The following ARHGAP44 variants were observed in gnomAD, a reference collection of about 807,000 sequenced individuals.
ARHGAP44 encodes the protein rho GTPase-activating protein 44.
Under a neutral mutation model 106.8 loss-of-function variants are expected in ARHGAP44, and 43 were observed. The observed-to-expected ratio is 0.40, with a 90% CI of 0.32 to 0.52. The LOEUF (loss-of-function observed/expected upper bound fraction) is 0.52, where lower values mean the gene tolerates loss of function less well. Ranked by LOEUF, ARHGAP44 falls within the 20% of genes least tolerant of loss-of-function variation. The pLI is 0.48. For missense variants in ARHGAP44, 866 were observed against 1,050.5 expected, an observed-to-expected ratio of 0.82 and a Z score of 2.43; for synonymous variants, 439 against 410.3, an observed-to-expected ratio of 1.07 and a Z score of -0.85.
chr17:12,797,874 A>G (rs573401938), intron 1 of ARHGAP44, among the ~76,000 whole-genome samples: 1 of 152,304 alleles, frequency 6.6e-6, no homozygotes, highest in South Asian at 2.1e-4. Flanking sequence ...TTATAATCCT[A>G]TAAAGTAGTT....
intron 6 of ARHGAP44, among the ~76,000 whole-genome samples, chr17:12,921,481 G>C (rs930340405): frequency 1.3e-5 from 2 of 152,070 alleles, no homozygotes; most frequent in African/African-American, 4.8e-5. Flanking sequence ...CAAGTAGCTG[G>C]GACTACAGGC....
intron 6 of ARHGAP44, among the ~76,000 whole-genome samples, chr17:12,928,127 G>T (rs1040211535): frequency 1.2e-4 from 19 of 152,120 alleles, no homozygotes; most frequent in African/African-American, 4.6e-4. Context: ...AGTTTTCTGA[G>T]TGACTTCGTT....
intron 6 of ARHGAP44, among the ~76,000 whole-genome samples, chr17:12,920,699 C>T (rs61423167): frequency 1.3e-5 from 2 of 152,152 alleles, no homozygotes; most frequent in African/African-American, 4.8e-5. Flanking sequence ...CAGGAAATTT[C>T]GCATTTTGGA....
intron 4 of ARHGAP44, among the ~76,000 whole-genome samples, chr17:12,914,727 C>G (rs924429003): frequency 6.8e-6 from 1 of 147,052 alleles, no homozygotes; most frequent in Non-Finnish European, 1.5e-5. Context: ...ACCCAGGAGG[C>G]GGAGGTTGCA....
intron 1 of ARHGAP44, among the ~76,000 whole-genome samples, chr17:12,847,458 C>T (rs777900802): frequency 6.6e-6 from 1 of 150,662 alleles, no homozygotes; most frequent in Non-Finnish European, 1.5e-5. Context: ...TTCTTACCTC[C>T]GTAACTTCGT....
intron 1 of ARHGAP44, among the ~76,000 whole-genome samples, chr17:12,828,742 T>C (rs1431287033): frequency 1.3e-5 from 2 of 149,628 alleles, no homozygotes; most frequent in Admixed American, 6.7e-5. Context: ...CCCGGGTTCA[T>C]GCCATTCTCC....
chr17:12,841,604 A>T (rs370926298), intron 1 of ARHGAP44, among the ~76,000 whole-genome samples: 6,814 of 105,774 alleles, frequency 0.064, 248 homozygotes, highest in African/African-American at 0.2. Flanking sequence ...TCACACACAC[A>T]CACACACACA....
intron 7 of ARHGAP44, among the ~76,000 whole-genome samples, chr17:12,939,181 T>C (rs2038636935): frequency 6.6e-6 from 1 of 152,140 alleles, no homozygotes; most frequent in Non-Finnish European, 1.5e-5. Context: ...TCAGGTGAAA[T>C]GGAGCTGAGG....
At chr17:12,934,353 G>C (rs2038485610) in intron 7 of ARHGAP44, among the ~76,000 whole-genome samples, 2 of 152,154 alleles carry the variant, frequency 1.3e-5, no homozygotes, top group Admixed American at 6.5e-5. Flanking sequence ...CCCACAATCT[G>C]AAGAGCACAT....
intron 3 of ARHGAP44, among the ~76,000 whole-genome samples, chr17:12,907,111 G>T (rs2037574601): frequency 6.6e-6 from 1 of 152,122 alleles, no homozygotes; most frequent in African/African-American, 2.4e-5. Context: ...CGCTCTATGT[G>T]TTAACACCAG....
intron 18 of ARHGAP44, 69 bp from the exon 19 acceptor site, chr17:12,979,989 T>C (rs2039789917): frequency 6.8e-7 from 1 of 1,479,004 alleles, no homozygotes; most frequent in Non-Finnish European, 9.1e-7. Context: ...AGGGTGGCCA[T>C]CGGCAAGGCT....
chr17:12,946,053 T>C (rs1207268147), intron 10 of ARHGAP44, among the ~76,000 whole-genome samples: 1 of 152,180 alleles, frequency 6.6e-6, no homozygotes, highest in Non-Finnish European at 1.5e-5. Flanking sequence ...GCCACCGCAC[T>C]GGGCCTCAAT....
intron 13 of ARHGAP44, among the ~76,000 whole-genome samples, chr17:12,954,624 G>A (rs1284681184): frequency 6.6e-6 from 1 of 152,090 alleles, no homozygotes; most frequent in Non-Finnish European, 1.5e-5. Flanking sequence ...AGAAAATCCC[G>A]AATGAGTCGC....
At chr17:12,899,573 G>T (rs1419145850) in intron 3 of ARHGAP44, among the ~76,000 whole-genome samples, 2 of 149,476 alleles carry the variant, frequency 1.3e-5, no homozygotes, top group Non-Finnish European at 3.0e-5. Context: ...TGGGTGAAAA[G>T]GAAAAGAAAT....
intron 1 of ARHGAP44, among the ~76,000 whole-genome samples, chr17:12,792,375 T>G (rs1459128713): frequency 6.6e-6 from 1 of 152,232 alleles, no homozygotes; most frequent in Non-Finnish European, 1.5e-5. Context: ...ATCTATTGAT[T>G]GCTGTTGTAT....
At chr17:12,886,964 G>GTTTTTTTTTTTTTTTTTTTTTT (rs769468845) in intron 1 of ARHGAP44, among the ~76,000 whole-genome samples, 1 of 109,004 alleles carries the variant, frequency 9.2e-6, no homozygotes, top group Non-Finnish European at 1.8e-5. Context: ...TTTTCTAAGA[G>GTTTTTTTTTTTTTTTTTTTTTT]TTTTTTTTTT....
intron 18 of ARHGAP44, among the ~76,000 whole-genome samples, chr17:12,975,792 T>C (rs1473057697): frequency 8.2e-5 from 6 of 73,618 alleles, no homozygotes; most frequent in Non-Finnish European, 1.3e-4. Context: ...CGTGACTCCG[T>C]CTCAAAAAAA....
At chr17:12,829,253 T>A (rs1408642281) in intron 1 of ARHGAP44, among the ~76,000 whole-genome samples, 1 of 152,092 alleles carries the variant, frequency 6.6e-6, no homozygotes, top group Non-Finnish European at 1.5e-5. Flanking sequence ...CTATTTCTAT[T>A]TCAGCATGTT....
intron 16 of ARHGAP44, among the ~76,000 whole-genome samples, chr17:12,961,355 C>G (rs1219978433): frequency 2.0e-5 from 3 of 152,214 alleles, no homozygotes; most frequent in Admixed American, 1.3e-4. Context: ...GAAGTTGAAA[C>G]TGCCACCATC....
Sources: gnomAD v4.1 joint callset for allele counts (sites outside exome capture counted in the v4.1 genomes callset) on GRCh38, gnomAD v4.1.1 for gene constraint, MANE v1.5 for transcripts, NCBI Gene and HGNC (gene_info 2026-07-23, HGNC 2026-07-21) for gene names.